Variants in SH3BP2 observed in about 807,000 individuals in gnomAD.
The protein encoded by SH3BP2 is SH3 domain-binding protein 2.
SH3BP2 carries 38 observed loss-of-function variants against 56.2 expected under a neutral mutation model. The observed-to-expected ratio is 0.68, with a 90% CI of 0.52 to 0.89. The LOEUF is 0.89. Ranked by LOEUF, SH3BP2 falls within the 40% of genes least tolerant of loss-of-function variation. SH3BP2 has a pLI of 0.00. For synonymous variants in SH3BP2, 346 were observed against 316.7 expected (o/e 1.09, Z -0.98); for missense variants, 748 against 762.6 (o/e 0.98, Z 0.23).
Position 2,812,214 on chromosome 4 carries a change from C to T in SH3BP2, c.-4-8400C>T, listed in dbSNP as rs568592065. The T allele has an allele frequency of 9.0e-5, 134 of 1,482,854 alleles. 1 individual carries two copies. The highest frequency in any genetic ancestry group is 4.9e-4 in the Middle Eastern group (2 of 4,072). The allele number at this position is 1,482,854 out of a possible 1,614,324, so 91.9% of individuals were successfully genotyped here. A position where few individuals can be genotyped will look rare whatever the true frequency, so the allele number is the denominator to read the frequency against. On this transcript the variant is annotated intron_variant, in intron 1 of 12. Coordinates refer to ENST00000503393, the MANE Select transcript of SH3BP2 (RefSeq NM_001122681.2). The stretch of plus-strand genomic sequence containing the variant: ...TCACAGGGTAGAAGGCAGGAAGTGC[C>T]GGCTACTTGGTGCTGCCCAGGGAGC...
At chr4:2,815,045 G>A (rs1723933693) in intron 1 of SH3BP2, 1 of 152,290 alleles carries the variant, frequency 6.6e-6, no homozygotes, top group African/African-American at 2.4e-5. Context: ...GCTCCTTGGG[G>A]ATGCCCCCTG....
chr4:2,831,507 C>T lies in SH3BP2; in HGVS notation c.1242-64C>T. On this transcript the variant is annotated intron_variant, in intron 8 of 12. Coordinates refer to ENST00000503393, the MANE Select transcript of SH3BP2 (RefSeq NM_001122681.2). The surrounding 1 kb of genome is among the most constrained non-coding windows in gnomAD (Gnocchi z 4.1). ...ACAGAGGGTGGAGTGGGGAGGGGAG[C>T]AGAGGGTGGCCGCCCCGTGTCTGAC... 8.0e-7 allele frequency: 1 copy of T among 1,250,874 alleles called. No individual in the cohort carries two copies. Among genetic ancestry groups the T allele is most frequent in the South Asian group, 1.3e-5 (1 of 78,066 alleles). The allele number at this position is 1,250,874 out of a possible 1,614,324, so 77.5% of individuals were successfully genotyped here. A position where few individuals can be genotyped will look rare whatever the true frequency, so the allele number is the denominator to read the frequency against.
At chr4:2,822,767 T>A (rs1481178985) in intron 2 of SH3BP2, among the ~76,000 whole-genome samples, 168 bp from the exon 3 acceptor site, 2 of 152,132 alleles carry the variant, frequency 1.3e-5, no homozygotes, top group Admixed American at 1.3e-4. Flanking sequence ...GGCCCCAGAG[T>A]GGGCTCCTGG....
intron 1 of SH3BP2, chr4:2,818,475 C>G (rs1225558259): frequency 3.9e-6 from 3 of 777,192 alleles, no homozygotes; most frequent in Non-Finnish European, 3.3e-6. Flanking sequence ...GCCCCTGGAC[C>G]AGGGCCGCGA....
At position 2,829,599 on chromosome 4, in the gene SH3BP2, C is replaced by G; in HGVS notation, c.693C>G (p.Pro231=). The change falls in exon 8 of 13, where the codon CCC becomes CCG. Residue 231 remains proline, a synonymous_variant. Transcript: ENST00000503393. The surrounding 1 kb of genome is among the most constrained non-coding windows in gnomAD (Gnocchi z 4.9). The stretch of plus-strand genomic sequence containing the variant: ...CCCACTCCTTTACCTCCAAGGGCCC[C>G]GGTCCCCTACTGCCACCCCCGCCCC... ...PRAHSFTSKG[P]GPLLPPPPPK... 6.2e-7 allele frequency: 1 copy of G among 1,612,206 alleles called. No homozygotes were observed.
At position 2,833,735 on chromosome 4, in the gene SH3BP2, G is replaced by A. The variant is rs1384354615; in HGVS notation, c.1587G>A (p.Val529=). Residue 529 remains valine (V), a synonymous_variant, in exon 13 of 13, where the codon GTG becomes GTA. Transcript: ENST00000503393. ...ACCTGGAGGGCGAGGTCCTGTTTGT[G>A]AGTGTGGGCAGCATGGTGGAGCACT... ...KFYLEGEVLF[V]SVGSMVEHYH... 7 of 1,609,356 alleles carry A rather than the reference G, an allele frequency of 4.3e-6. No individual in the cohort carries two copies. The highest frequency in any genetic ancestry group is 1.3e-5 in the African/African-American group (1 of 74,832).
intron 1 of SH3BP2, among the ~76,000 whole-genome samples, chr4:2,811,346 G>A (rs778529150): frequency 2.6e-5 from 4 of 152,232 alleles, no homozygotes; most frequent in Non-Finnish European, 5.9e-5. Flanking sequence ...GCAGCTTTGT[G>A]GCCTGTGCTC....
intron 1 of SH3BP2, among the ~76,000 whole-genome samples, chr4:2,812,897 G>A (rs992932277): frequency 6.6e-6 from 1 of 152,056 alleles, no homozygotes; most frequent in East Asian, 1.9e-4. Flanking sequence ...GGGGGGTAAC[G>A]GAGAGAGCTG....
At chr4:2,816,887 G>A (rs550139733) in intron 1 of SH3BP2, among the ~76,000 whole-genome samples, 6 of 152,338 alleles carry the variant, frequency 3.9e-5, no homozygotes, top group East Asian at 1.9e-4. Context: ...ATATTGGTTT[G>A]TAGTTTTATT....
At chr4:2,797,837 G>A (rs1723112751) in intron 1 of SH3BP2, among the ~76,000 whole-genome samples, 1 of 152,204 alleles carries the variant, frequency 6.6e-6, no homozygotes, top group African/African-American at 2.4e-5. Context: ...TCCCACTCCT[G>A]GGCAGGGAAG....
At chr4:2,827,767 G>A in intron 7 of SH3BP2, 93 bp downstream of exon 7, 1 of 1,084,552 alleles carries the variant, frequency 9.2e-7, no homozygotes, top group Non-Finnish European at 1.4e-6. Context: ...GGGGATGCTG[G>A]CCCAGGTACC....
chr4:2,838,024 C>T lies in SH3BP2; in HGVS notation c.*4190C>T, dbSNP rs1466970338. Reference sequence around the variant, plus strand: ...CCCCTAGGAAGCTTCGCAGGCCTTCCAGGCTGCCAGACAGCTGCCCTGGCG... The same window carrying T: ...CCCCTAGGAAGCTTCGCAGGCCTTCTAGGCTGCCAGACAGCTGCCCTGGCG... On this transcript the variant is annotated 3_prime_UTR_variant, in exon 13 of 13. Coordinates refer to ENST00000503393, the MANE Select transcript of SH3BP2 (RefSeq NM_001122681.2). The T allele has an allele frequency of 6.6e-6, 1 of 152,344 alleles. No individual in the cohort carries two copies. Among genetic ancestry groups the T allele is most frequent in the Admixed American group, 6.5e-5 (1 of 15,292 alleles). The allele number at this position is 152,344 out of a possible 1,614,324, so 9.4% of individuals were successfully genotyped here.
At chr4:2,825,221 G>C in intron 5 of SH3BP2, 25 bp downstream of exon 5, 1 of 1,552,802 alleles carries the variant, frequency 6.4e-7, no homozygotes, top group Non-Finnish European at 8.7e-7. Flanking sequence ...AGGGCATACC[G>C]GGCAGTGAGG....
At chr4:2,824,930 G>A (rs866695515) in intron 4 of SH3BP2, 196 bp from the exon 5 acceptor site, 33 of 670,664 alleles carry the variant, frequency 4.9e-5, no homozygotes, top group Admixed American at 6.9e-5. Context: ...TGGTGCCAGC[G>A]CCCACACAAG....
Position 2,829,429 on chromosome 4 carries a change from C to A in SH3BP2, c.587-64C>A. ...TCCTGGTTGGCCTGGCTGACCACTG[C>A]CAGCAGAGGATAGTGTTGGCCCAGT... On this transcript the variant is annotated intron_variant, in intron 7 of 12. Coordinates refer to ENST00000503393, the MANE Select transcript of SH3BP2 (RefSeq NM_001122681.2). This position sits in a 1 kb window ranked among gnomAD's most constrained non-coding sequence, Gnocchi z 4.9. The A allele has an allele frequency of 6.4e-7, 1 of 1,572,300 alleles. No homozygotes were observed. The highest frequency in any genetic ancestry group is 8.7e-7 in the Non-Finnish European group (1 of 1,143,020).
chr4:2,831,777 C>T lies in SH3BP2; in HGVS notation c.1350+98C>T. On this transcript the variant is annotated intron_variant, in intron 9 of 12. Transcript: ENST00000503393. The surrounding 1 kb of genome is among the most constrained non-coding windows in gnomAD (Gnocchi z 4.1). Reference sequence around the variant, plus strand: ...GCGGCCCCTCACAGACCGTCCTGAGCAAGGACCCCCCGAGAACCCGGGAGC... The same window carrying T: ...GCGGCCCCTCACAGACCGTCCTGAGTAAGGACCCCCCGAGAACCCGGGAGC... The T allele has an allele frequency of 2.2e-6, 3 of 1,350,442 alleles. No individual in the cohort carries two copies. Among genetic ancestry groups the T allele is most frequent in the Non-Finnish European group, 3.1e-6 (3 of 962,564 alleles). 83.7% of individuals were successfully genotyped at this position (1,350,442 alleles called of 1,614,324 possible).
chr4:2,816,260 C>T (rs951987034), intron 1 of SH3BP2, among the ~76,000 whole-genome samples: 1 of 152,114 alleles, frequency 6.6e-6, no homozygotes, highest in Admixed American at 6.5e-5. Context: ...ACGCTGGTCT[C>T]GAACTCCTGA....
chr4:2,826,001 C>T (rs1042176902), intron 5 of SH3BP2, among the ~76,000 whole-genome samples: 13 of 152,246 alleles, frequency 8.5e-5, no homozygotes, highest in African/African-American at 2.9e-4. Context: ...GGGCTGGGCA[C>T]AGCCAAGGCT....
At position 2,830,210 on chromosome 4, in the gene SH3BP2, A is replaced by ACGGGCACTCTGCCCACCTCGCTCCC. The variant is rs1724910782; in HGVS notation, c.1241+65_1241+89dup. The ACGGGCACTCTGCCCACCTCGCTCCC allele has an allele frequency of 5.5e-6, 8 of 1,466,460 alleles. No homozygotes were observed. In the South Asian group the frequency reaches 9.9e-5, roughly 18 times the overall value. The allele number at this position is 1,466,460 out of a possible 1,614,324, so 90.8% of individuals were successfully genotyped here. A position where few individuals can be genotyped will look rare whatever the true frequency, so the allele number is the denominator to read the frequency against. On this transcript the variant is annotated intron_variant, in intron 8 of 12. Transcript: ENST00000503393. ...TACAGGGACCCTGGCCTGGCCTCTG[A>ACGGGCACTCTGCCCACCTCGCTCCC]CGGGCACTCTGCCCACCTCGCTCCC... is the stretch of plus-strand genomic sequence containing the variant.
Sources: gnomAD v4.1 joint callset for allele counts (sites outside exome capture counted in the v4.1 genomes callset) on GRCh38, gnomAD v4.1.1 for gene constraint, Gnocchi (gnomAD v3.1) non-coding constraint, MANE v1.5 for transcripts, NCBI Gene and HGNC (gene_info 2026-07-23, HGNC 2026-07-21) for gene names.